NEK5: variants seen among roughly 807,000 people sequenced by gnomAD.
The protein encoded by NEK5 is serine/threonine-protein kinase Nek5.
A neutral mutation model predicts 109.2 loss-of-function variants in NEK5; 88 were observed. The ratio of observed to expected loss-of-function variants is 0.81; its 90% CI spans 0.68 to 0.96. NEK5 has a LOEUF of 0.96. Among genes scored for constraint, NEK5 ranks in the 40% least tolerant of loss-of-function variants. The probability of loss-of-function intolerance (pLI) is 0.00; values close to 1 mark genes in which losing one functional copy is unlikely to be tolerated. For missense variants in NEK5, 834 were observed against 920.7 expected (o/e 0.91, Z 1.22); for synonymous variants, 283 against 299.9 (o/e 0.94, Z 0.58).
intron 17 of NEK5, among the ~76,000 whole-genome samples, chr13:52,079,248 T>C (rs1954924425): frequency 6.9e-6 from 1 of 145,522 alleles, no homozygotes; most frequent in African/African-American, 2.6e-5. Context: ...AAAAGGAAGA[T>C]GTCTTTTTAA....
At chr13:52,079,911 C>T (rs1954951480) in intron 17 of NEK5, among the ~76,000 whole-genome samples, 3 of 151,726 alleles carry the variant, frequency 2.0e-5, no homozygotes, top group African/African-American at 7.3e-5. Context: ...TTTGCCCCGC[C>T]GCCCCGTCTG....
Position 52,110,563 on chromosome 13 carries a change from A to G in NEK5, c.327T>C (p.Phe109=). The stretch of plus-strand genomic sequence containing the variant: ...GTTTTAGTCCTAGAGAAATCTGTAC[A>G]AACCAACCGAGGATCTATAGAGAGA... ...LFSEDQILGW[F]VQISLGLKHI... The change falls in exon 6 of 24, where the codon TTT becomes TTC. Residue 109 remains phenylalanine (F), a synonymous_variant. Coordinates refer to ENST00000684899, the MANE Select transcript of NEK5 (RefSeq NM_001365552.1). The G allele has an allele frequency of 6.2e-7, 1 of 1,609,650 alleles. No individual in the cohort carries two copies. Among genetic ancestry groups the G allele is most frequent in the Non-Finnish European group, 8.5e-7 (1 of 1,176,754 alleles).
chr13:52,091,229 T>C (rs1955277048), intron 13 of NEK5, among the ~76,000 whole-genome samples: 1 of 151,368 alleles, frequency 6.6e-6, no homozygotes. Flanking sequence ...AATTGATAGC[T>C]TGACAGCTCT....
At chr13:52,112,443 G>A (rs1955776652) in intron 4 of NEK5, 78 bp from the exon 5 acceptor site, 3 of 939,208 alleles carry the variant, frequency 3.2e-6, no homozygotes, top group Non-Finnish European at 1.7e-6. Context: ...GAATCAAGAT[G>A]GACTGGGTTC....
intron 19 of NEK5, among the ~76,000 whole-genome samples, chr13:52,074,816 T>A (rs987881860): frequency 6.6e-6 from 1 of 152,016 alleles, no homozygotes; most frequent in Non-Finnish European, 1.5e-5. Context: ...GGACAAAAGA[T>A]AGAAAGAGAC....
intron 4 of NEK5, among the ~76,000 whole-genome samples, chr13:52,118,561 C>T (rs9535869): frequency 0.036 from 5,486 of 152,064 alleles, 134 homozygotes; most frequent in South Asian, 0.09. Context: ...TATTTTTTAC[C>T]TTTGGACTAC....
At chr13:52,104,597 C>T in intron 8 of NEK5, 45 bp from the exon 9 acceptor site, 1 of 1,359,016 alleles carries the variant, frequency 7.4e-7, no homozygotes, top group Non-Finnish European at 1.0e-6. Flanking sequence ...ATCCATAATT[C>T]TTAATAAAAG....
At chr13:52,038,445 T>C (rs1433210259) in intron 23 of NEK5, among the ~76,000 whole-genome samples, 1 of 152,100 alleles carries the variant, frequency 6.6e-6, no homozygotes, top group Non-Finnish European at 1.5e-5. Flanking sequence ...TGAGAAATGA[T>C]TACCTGACTT....
At chr13:52,049,106 T>C (rs972199306) in intron 23 of NEK5, among the ~76,000 whole-genome samples, 6 of 152,196 alleles carry the variant, frequency 3.9e-5, no homozygotes, top group Non-Finnish European at 8.8e-5. Flanking sequence ...TATATATTAA[T>C]ACAATTTTTA....
intron 17 of NEK5, among the ~76,000 whole-genome samples, chr13:52,076,718 T>C (rs976131279): frequency 3.9e-5 from 6 of 152,226 alleles, no homozygotes; most frequent in Non-Finnish European, 7.3e-5. Flanking sequence ...GACTCTTAAA[T>C]GTGTATCTTC....
In NEK5 at chr13:52,084,762, AGTGTGTGT is replaced by A. The variant is rs368429926; in HGVS notation, c.1480-1418_1480-1411del. On this transcript the variant is annotated intron_variant, in intron 16 of 23. Coordinates refer to ENST00000684899, the MANE Select transcript of NEK5 (RefSeq NM_001365552.1). Reference sequence around the variant, plus strand: ...GAGAGAGAGAGAGAGAGAGAGAGAGAGTGTGTGTGTGTGTGTGTGTGTGTGTGTGTGTG... The same window carrying A: ...GAGAGAGAGAGAGAGAGAGAGAGAGAGTGTGTGTGTGTGTGTGTGTGTGTG... Among the ~76,000 whole-genome samples, 210 of 47,356 alleles carry A rather than the reference AGTGTGTGT, an allele frequency of 4.4e-3. 1 individual carries two copies. Among genetic ancestry groups the A allele is most frequent in the South Asian group, 9.4e-3 (12 of 1,270 alleles). The allele number at this position is 47,356 out of a possible 152,430, so 31.1% of individuals were successfully genotyped here.
chr13:52,061,631 G>C (rs1037118534), intron 22 of NEK5, among the ~76,000 whole-genome samples, 188 bp downstream of exon 22: 1 of 152,114 alleles, frequency 6.6e-6, no homozygotes, highest in African/African-American at 2.4e-5. Flanking sequence ...CACTCTCCTG[G>C]AAAGCTCATG....
At chr13:52,048,922 G>T (rs1954479968) in intron 23 of NEK5, among the ~76,000 whole-genome samples, 1 of 152,148 alleles carries the variant, frequency 6.6e-6, no homozygotes, top group Admixed American at 6.6e-5. Flanking sequence ...GTACAGCATG[G>T]TGACTATAGT....
intron 20 of NEK5, among the ~76,000 whole-genome samples, chr13:52,069,274 C>T (rs1363311743): frequency 6.6e-6 from 1 of 152,194 alleles, no homozygotes; most frequent in Non-Finnish European, 1.5e-5. Flanking sequence ...CCTCATCTGG[C>T]CTTTCTCTTC....
chr13:52,092,931 G>T (rs1444139149), intron 13 of NEK5, 123 bp downstream of exon 13: 10 of 667,784 alleles, frequency 1.5e-5, no homozygotes, highest in Non-Finnish European at 2.5e-5. Flanking sequence ...TGTTTAAAAT[G>T]AAGATTTGGA....
chr13:52,125,403 A>T (rs1956046271), intron 3 of NEK5, among the ~76,000 whole-genome samples: 1 of 152,188 alleles, frequency 6.6e-6, no homozygotes, highest in African/African-American at 2.4e-5. Flanking sequence ...CTCTACTAAA[A>T]ATACAAAAAA....
chr13:52,055,204 G>A (rs1276135330), intron 22 of NEK5, among the ~76,000 whole-genome samples: 3 of 152,250 alleles, frequency 2.0e-5, no homozygotes, highest in African/African-American at 7.2e-5. Flanking sequence ...TATCAGTGAT[G>A]GAAGATCAAA....
At chr13:52,119,261 C>T in intron 4 of NEK5, 58 bp downstream of exon 4, 3 of 886,162 alleles carry the variant, frequency 3.4e-6, no homozygotes, top group Non-Finnish European at 5.2e-6. Context: ...AATCTTTTTA[C>T]ATATGTCAAC....
At chr13:52,069,475 A>G (rs536771118) in intron 20 of NEK5, among the ~76,000 whole-genome samples, 1 of 152,296 alleles carries the variant, frequency 6.6e-6, no homozygotes, top group Non-Finnish European at 1.5e-5. Flanking sequence ...CGGATATGCT[A>G]AGGGCCACCA....
Sources: gnomAD v4.1 joint callset for allele counts (sites outside exome capture counted in the v4.1 genomes callset) on GRCh38, gnomAD v4.1.1 for gene constraint, MANE v1.5 for transcripts, NCBI Gene and HGNC (gene_info 2026-07-23, HGNC 2026-07-21) for gene names.